The following LRP1B variants were observed in gnomAD, a reference collection of about 807,000 sequenced individuals.
LRP1B encodes low-density lipoprotein receptor-related protein 1B.
In LRP1B, 217 loss-of-function variants were observed where a neutral mutation model predicts 556.6. The ratio of observed to expected loss-of-function variants is 0.39; its 90% CI spans 0.35 to 0.44. The LOEUF (loss-of-function observed/expected upper bound fraction) is 0.44, where lower values mean the gene tolerates loss of function less well. Ranked by LOEUF, LRP1B falls within the 20% of genes least tolerant of loss-of-function variation. The pLI is 1.00. For synonymous variants in LRP1B, 2,047 were observed against 1,865.8 expected, an observed-to-expected ratio of 1.10 and a Z score of -2.50; for missense variants, 5,053 against 5,620.8, an observed-to-expected ratio of 0.90 and a Z score of 3.23.
Position 141,006,820 on chromosome 2 carries a change from T to A in LRP1B, c.2381-1363A>T, listed in dbSNP as rs188179648. Reference sequence around the variant, plus strand: ...GTAAACAATTATAACACAATGATAATAGCATTTCTGTATCTAAACATATAA... The same window carrying A: ...GTAAACAATTATAACACAATGATAAAAGCATTTCTGTATCTAAACATATAA... On this transcript the variant is annotated intron_variant, in intron 14 of 90. Transcript: ENST00000389484. Among the ~76,000 whole-genome samples the A allele has an allele frequency of 2.0e-5, 3 of 152,068 alleles. No individual in the cohort carries two copies. The East Asian group carries it at 5.8e-4, about 29-fold the overall frequency.
At chr2:140,747,072 C>T (rs1224001186) in intron 35 of LRP1B, among the ~76,000 whole-genome samples, 1 of 152,110 alleles carries the variant, frequency 6.6e-6, no homozygotes, top group Non-Finnish European at 1.5e-5. Flanking sequence ...CTTAAGGTTT[C>T]TGGGTCTCTG....
At chr2:140,308,155 T>G (rs891914161) in intron 83 of LRP1B, among the ~76,000 whole-genome samples, 5 of 151,808 alleles carry the variant, frequency 3.3e-5, no homozygotes, top group Non-Finnish European at 7.4e-5. Flanking sequence ...TATTTGATGT[T>G]GATATTTTTC....
At chr2:140,637,467 T>A (rs1684110309) in intron 41 of LRP1B, among the ~76,000 whole-genome samples, 1 of 152,236 alleles carries the variant, frequency 6.6e-6, no homozygotes, top group Non-Finnish European at 1.5e-5. Flanking sequence ...AACTATCTAA[T>A]GTGTATTTTC....
At chr2:140,330,219 A>ATAAT (rs1558806966) in intron 79 of LRP1B, among the ~76,000 whole-genome samples, 1 of 141,428 alleles carries the variant, frequency 7.1e-6, no homozygotes, top group African/African-American at 2.6e-5. Flanking sequence ...AATAATAATA[A>ATAAT]TAATAATAAT....
chr2:141,581,300 C>T (rs898425492), intron 2 of LRP1B, among the ~76,000 whole-genome samples: 4 of 152,190 alleles, frequency 2.6e-5, no homozygotes, highest in Non-Finnish European at 2.9e-5. Context: ...TGTTTAAAAA[C>T]GATTTTGCCC....
At chr2:140,735,243 G>T (rs1368900275) in intron 35 of LRP1B, among the ~76,000 whole-genome samples, 1 of 152,162 alleles carries the variant, frequency 6.6e-6, no homozygotes, top group Non-Finnish European at 1.5e-5. Flanking sequence ...CCTTGCAGGT[G>T]CAATGAGTCA....
intron 2 of LRP1B, among the ~76,000 whole-genome samples, chr2:141,632,098 A>AT (rs1016686528): frequency 6.6e-6 from 1 of 151,800 alleles, no homozygotes; most frequent in Non-Finnish European, 1.5e-5. Context: ...TAATTTTTGT[A>AT]TTTTTTGTAG....
intron 1 of LRP1B, among the ~76,000 whole-genome samples, chr2:141,991,897 C>T (rs1702354033): frequency 6.6e-6 from 1 of 152,062 alleles, no homozygotes; most frequent in Non-Finnish European, 1.5e-5. Flanking sequence ...CCCTATTGCA[C>T]ATGCAATAGA....
chr2:142,034,047 CATTT>C (rs1308824974), intron 1 of LRP1B, among the ~76,000 whole-genome samples: 2 of 151,710 alleles, frequency 1.3e-5, no homozygotes, highest in Non-Finnish European at 3.0e-5. Flanking sequence ...ATCTCCACCT[CATTT>C]ACATTGCATT....
intron 20 of LRP1B, among the ~76,000 whole-genome samples, chr2:140,935,003 T>C (rs763267366): frequency 1.3e-5 from 2 of 152,126 alleles, no homozygotes; most frequent in Non-Finnish European, 2.9e-5. Context: ...TACCCCAGGG[T>C]AATCTGTGGC....
intron 2 of LRP1B, among the ~76,000 whole-genome samples, chr2:141,700,337 C>A (rs1010487363): frequency 2.0e-5 from 3 of 151,674 alleles, no homozygotes; most frequent in African/African-American, 7.3e-5. Flanking sequence ...TCTGTATTCC[C>A]AGTGCTTGGA....
At chr2:141,913,339 C>G (rs929614306) in intron 1 of LRP1B, among the ~76,000 whole-genome samples, 1 of 152,090 alleles carries the variant, frequency 6.6e-6, no homozygotes. Context: ...GAAAAATTCA[C>G]GTATGTAGAA....
chr2:142,075,414 G>A (rs973805862), intron 1 of LRP1B, among the ~76,000 whole-genome samples: 16 of 152,036 alleles, frequency 1.1e-4, no homozygotes, highest in Admixed American at 7.9e-4. Context: ...AGAAAGGAAT[G>A]GAGAATTTGA....
At chr2:141,989,973 C>T (rs562987166) in intron 1 of LRP1B, among the ~76,000 whole-genome samples, 2 of 152,052 alleles carry the variant, frequency 1.3e-5, no homozygotes, top group African/African-American at 4.8e-5. Flanking sequence ...AGTTCATAAG[C>T]CATTTTATCT....
chr2:140,668,607 T>C (rs1159588951), intron 41 of LRP1B, among the ~76,000 whole-genome samples: 1 of 152,106 alleles, frequency 6.6e-6, no homozygotes, highest in Admixed American at 6.6e-5. Flanking sequence ...ATAGCCTCCT[T>C]CAAAATGTAT....
At chr2:140,327,702 A>G (rs17477402) in intron 79 of LRP1B, among the ~76,000 whole-genome samples, 9,128 of 152,082 alleles carry the variant, frequency 0.06, 355 homozygotes, top group African/African-American at 0.11. Flanking sequence ...ATTGATAATC[A>G]CAGAAAGGAA....
chr2:140,830,141 G>C (rs1691664726), intron 31 of LRP1B, among the ~76,000 whole-genome samples: 1 of 151,764 alleles, frequency 6.6e-6, no homozygotes, highest in African/African-American at 2.4e-5. Flanking sequence ...AAAAACCCCA[G>C]GACCTACCTG....
chr2:141,307,932 A>T (rs901892469), intron 3 of LRP1B, among the ~76,000 whole-genome samples: 20 of 152,064 alleles, frequency 1.3e-4, no homozygotes, highest in Non-Finnish European at 2.9e-5. Flanking sequence ...CTGGCTCCCA[A>T]GTGCTTTGTA....
rs903983376 is a variant in LRP1B, at chr2:140,679,901, GTTTA to G, written c.6799+20345_6799+20348del. On this transcript the variant is annotated intron_variant, in intron 41 of 90. Coordinates refer to ENST00000389484, the MANE Select transcript of LRP1B (RefSeq NM_018557.3). ...AATTGGTAAACTTTTTATGAGGTTT[GTTTA>G]TTTATTTATTTACTTTTTATTTAAT... Among the ~76,000 whole-genome samples the G allele has an allele frequency of 6.0e-4, 90 of 151,170 alleles. 1 individual carries two copies. The highest frequency in any genetic ancestry group is 2.4e-3 in the Admixed American group (37 of 15,166).
Sources: gnomAD v4.1 joint callset for allele counts (sites outside exome capture counted in the v4.1 genomes callset) on GRCh38, gnomAD v4.1.1 for gene constraint, MANE v1.5 for transcripts, NCBI Gene and HGNC (gene_info 2026-07-23, HGNC 2026-07-21) for gene names.